The following CDK14 variants were observed in gnomAD, a reference collection of about 807,000 sequenced individuals.
The protein encoded by CDK14 is cyclin dependent kinase 14, also known as cyclin-dependent kinase 14.
CDK14 carries 34 observed loss-of-function variants against 60.7 expected under a neutral mutation model. That is an observed-to-expected ratio of 0.56 (90% CI 0.43 to 0.75). The LOEUF is 0.75. Ranked by LOEUF, CDK14 falls within the 30% of genes least tolerant of loss-of-function variation. The pLI, the probability that CDK14 is intolerant of heterozygous loss-of-function variation, is 0.00. For synonymous variants in CDK14, 197 were observed against 203.7 expected, an observed-to-expected ratio of 0.97 and a Z score of 0.28; for missense variants, 482 against 564.1, an observed-to-expected ratio of 0.85 and a Z score of 1.47.
intron 2 of CDK14, among the ~76,000 whole-genome samples, chr7:90,636,448 A>G (rs1217817839): frequency 1.3e-5 from 2 of 151,974 alleles, no homozygotes; most frequent in Non-Finnish European, 2.9e-5. Flanking sequence ...ATTGATTTGC[A>G]TATATTGAAC....
At chr7:91,177,632 G>T (rs1469923031) in intron 14 of CDK14, among the ~76,000 whole-genome samples, 3 of 151,746 alleles carry the variant, frequency 2.0e-5, no homozygotes, top group Non-Finnish European at 4.4e-5. Context: ...CAAAATCAAC[G>T]TACAAAAATC....
At chr7:91,175,972 A>G (rs1217572099) in intron 14 of CDK14, among the ~76,000 whole-genome samples, 3 of 152,208 alleles carry the variant, frequency 2.0e-5, no homozygotes, top group South Asian at 2.1e-4. Context: ...ATAGACATCT[A>G]CAGAACTCTC....
chr7:91,071,277 G>C (rs953629232), intron 11 of CDK14, among the ~76,000 whole-genome samples: 1 of 152,232 alleles, frequency 6.6e-6, no homozygotes, highest in African/African-American at 2.4e-5. Flanking sequence ...GTGGTGATCT[G>C]AGGCTCTCAT....
intron 3 of CDK14, among the ~76,000 whole-genome samples, chr7:90,746,560 A>T (rs187850668): frequency 6.6e-6 from 1 of 152,212 alleles, no homozygotes; most frequent in Non-Finnish European, 1.5e-5. Flanking sequence ...GATATTTTTC[A>T]TTCCTTATAT....
intron 2 of CDK14, among the ~76,000 whole-genome samples, chr7:90,706,038 A>G (rs1052344241): frequency 2.0e-5 from 3 of 152,190 alleles, no homozygotes; most frequent in Non-Finnish European, 4.4e-5. Flanking sequence ...ACTCACAAAA[A>G]TGACCTAGTA....
intron 4 of CDK14, among the ~76,000 whole-genome samples, chr7:90,785,623 A>C (rs1303892366): frequency 6.6e-6 from 1 of 151,926 alleles, no homozygotes; most frequent in African/African-American, 2.4e-5. Context: ...ATCTCTACTA[A>C]AAATACAAAA....
At chr7:90,668,578 A>G (rs1269952879) in intron 2 of CDK14, among the ~76,000 whole-genome samples, 1 of 151,834 alleles carries the variant, frequency 6.6e-6, no homozygotes, top group Non-Finnish European at 1.5e-5. Flanking sequence ...ATTGTTGTCT[A>G]ATCTGAGATC....
chr7:91,027,131 C>T (rs904709029), intron 10 of CDK14, among the ~76,000 whole-genome samples: 14 of 152,116 alleles, frequency 9.2e-5, no homozygotes, highest in Admixed American at 3.9e-4. Context: ...ACCCACAATA[C>T]GTAACTGTTA....
chr7:91,109,283 A>G (rs1799406944), intron 12 of CDK14, among the ~76,000 whole-genome samples: 1 of 152,134 alleles, frequency 6.6e-6, no homozygotes, highest in Non-Finnish European at 1.5e-5. Context: ...ATGTATATTG[A>G]TGTCCATTCA....
At chr7:90,753,887 C>T (rs1803948464) in intron 4 of CDK14, among the ~76,000 whole-genome samples, 1 of 152,022 alleles carries the variant, frequency 6.6e-6, no homozygotes, top group Admixed American at 6.6e-5. Flanking sequence ...ACAATAGCCA[C>T]AAAAAATTAA....
At chr7:90,775,625 C>CCCCCTCCCCCTTCCCCTCCCCTT (rs1804997230) in intron 4 of CDK14, among the ~76,000 whole-genome samples, 1 of 49,544 alleles carries the variant, frequency 2.0e-5, no homozygotes, top group Non-Finnish European at 3.7e-5. Context: ...ACCTCCTCCT[C>CCCCCTCCCCCTTCCCCTCCCCTT]CCCCTCCCCC....
chr7:90,750,154 AC>A (rs1803768285), intron 4 of CDK14, among the ~76,000 whole-genome samples: 2 of 548 alleles, frequency 3.6e-3, no homozygotes, highest in Non-Finnish European at 0.015. Context: ...GGGAAAGAAA[AC>A]ACACACACAC....
intron 10 of CDK14, among the ~76,000 whole-genome samples, chr7:91,041,591 AC>A (rs1797092431): frequency 1.3e-5 from 2 of 152,236 alleles, no homozygotes; most frequent in Admixed American, 1.3e-4. Flanking sequence ...AACTTGAACA[AC>A]AGTTTCATAA....
intron 8 of CDK14, 80 bp from the exon 9 acceptor site, chr7:90,955,617 A>G (rs1794386875): frequency 6.5e-7 from 1 of 1,528,448 alleles, no homozygotes; most frequent in Non-Finnish European, 9.0e-7. Context: ...TTTGACCTTT[A>G]AGAATGTGAA....
At chr7:91,133,103 G>C (rs1324467649) in intron 14 of CDK14, among the ~76,000 whole-genome samples, 2 of 152,178 alleles carry the variant, frequency 1.3e-5, no homozygotes, top group Admixed American at 6.5e-5. Flanking sequence ...CGAGTTTCTA[G>C]GGATAAAAAT....
intron 6 of CDK14, among the ~76,000 whole-genome samples, chr7:90,889,203 A>C (rs1182451442): frequency 6.6e-6 from 1 of 152,246 alleles, no homozygotes; most frequent in Non-Finnish European, 1.5e-5. Flanking sequence ...TACAAGATTG[A>C]AACCACTTCA....
intron 1 of CDK14, among the ~76,000 whole-genome samples, chr7:90,601,006 A>C (rs991814982): frequency 1.3e-5 from 2 of 152,260 alleles, no homozygotes; most frequent in Admixed American, 1.3e-4. Context: ...TTTACAATAT[A>C]AAGTGACAGA....
intron 5 of CDK14, among the ~76,000 whole-genome samples, chr7:90,806,254 C>A (rs1009671451): frequency 6.6e-6 from 1 of 151,878 alleles, no homozygotes; most frequent in South Asian, 2.1e-4. Flanking sequence ...ACAGCAAAAA[C>A]GTAATATATA....
intron 14 of CDK14, among the ~76,000 whole-genome samples, chr7:91,160,222 G>T (rs1801126179): frequency 6.6e-6 from 1 of 152,166 alleles, no homozygotes; most frequent in Non-Finnish European, 1.5e-5. Context: ...AGTGTCAAAA[G>T]ACCCTGTGCC....
Sources: allele counts gnomAD v4.1 joint callset (sites outside exome capture counted in the v4.1 genomes callset), GRCh38; gene constraint gnomAD v4.1.1; transcripts MANE v1.5; gene names NCBI Gene and HGNC (gene_info 2026-07-23, HGNC 2026-07-21).